Variants in CACNB4 observed in about 807,000 individuals in gnomAD.
CACNB4 encodes calcium voltage-gated channel auxiliary subunit beta 4.
Under a neutral mutation model 71.2 loss-of-function variants are expected in CACNB4, and 32 were observed. The observed-to-expected ratio is 0.45, with a 90% CI of 0.34 to 0.60. CACNB4 has a LOEUF of 0.60. Ranked by LOEUF, CACNB4 falls within the 20% of genes least tolerant of loss-of-function variation. CACNB4 has a pLI of 0.01. For synonymous variants in CACNB4, 231 were observed against 236.9 expected (o/e 0.97, Z 0.23); for missense variants, 464 against 647.9 (o/e 0.72, Z 3.08).
chr2:152,079,466 T>C (rs1472954976), intron 2 of CACNB4, among the ~76,000 whole-genome samples: 1 of 151,982 alleles, frequency 6.6e-6, no homozygotes. Context: ...GACTGATAAA[T>C]CCTGGCTGAA....
intron 2 of CACNB4, among the ~76,000 whole-genome samples, chr2:152,045,324 C>G (rs1438518817): frequency 1.3e-5 from 2 of 152,108 alleles, no homozygotes; most frequent in African/African-American, 4.8e-5. Context: ...ATACATACAA[C>G]AGAATATTAT....
At chr2:151,981,503 G>A (rs1267705715) in intron 2 of CACNB4, among the ~76,000 whole-genome samples, 1 of 152,184 alleles carries the variant, frequency 6.6e-6, no homozygotes, top group Non-Finnish European at 1.5e-5. Flanking sequence ...ACTCCTGTCG[G>A]TGGTAGGGGC....
At chr2:152,014,028 A>G (rs978798591) in intron 2 of CACNB4, among the ~76,000 whole-genome samples, 3 of 152,178 alleles carry the variant, frequency 2.0e-5, no homozygotes, top group African/African-American at 7.2e-5. Flanking sequence ...GGATGTAGTG[A>G]GCAACACTCC....
intron 2 of CACNB4, among the ~76,000 whole-genome samples, chr2:152,007,712 TTCAG>T (rs1184521758): frequency 3.3e-5 from 5 of 152,224 alleles, no homozygotes; most frequent in African/African-American, 1.2e-4. Context: ...AATTCCTGCT[TTCAG>T]TCCTTATGGG....
intron 10 of CACNB4, among the ~76,000 whole-genome samples, chr2:151,856,466 G>A (rs562654454): frequency 2.0e-5 from 3 of 152,062 alleles, no homozygotes; most frequent in African/African-American, 7.2e-5. Context: ...ACCATGCCTG[G>A]CTAACTTTTG....
chr2:152,083,688 G>A (rs1468601242), intron 2 of CACNB4, among the ~76,000 whole-genome samples: 2 of 152,148 alleles, frequency 1.3e-5, no homozygotes, highest in African/African-American at 2.4e-5. Flanking sequence ...CATATTTTGC[G>A]GTAGCCAATT....
intron 2 of CACNB4, among the ~76,000 whole-genome samples, chr2:152,029,101 G>T (rs1378111150): frequency 6.6e-6 from 1 of 152,168 alleles, no homozygotes; most frequent in Non-Finnish European, 1.5e-5. Flanking sequence ...CAATATGATG[G>T]TATTTGAATG....
At chr2:151,990,154 A>G (rs942280298) in intron 2 of CACNB4, among the ~76,000 whole-genome samples, 7 of 152,214 alleles carry the variant, frequency 4.6e-5, no homozygotes, top group Admixed American at 4.6e-4. Context: ...TCTTTAAGAT[A>G]AAATTTGAAT....
At chr2:151,928,323 T>C (rs1041869566) in intron 2 of CACNB4, among the ~76,000 whole-genome samples, 2 of 152,204 alleles carry the variant, frequency 1.3e-5, no homozygotes, top group Admixed American at 6.5e-5. Flanking sequence ...TTGTGTTAAA[T>C]TGTAGATACC....
At chr2:151,941,640 C>T (rs1251697570) in intron 2 of CACNB4, among the ~76,000 whole-genome samples, 1 of 152,088 alleles carries the variant, frequency 6.6e-6, no homozygotes, top group Non-Finnish European at 1.5e-5. Context: ...CATCTCCCCT[C>T]AAGAATCTTA....
At chr2:151,999,314 G>A (rs572325511) in intron 2 of CACNB4, among the ~76,000 whole-genome samples, 12 of 150,842 alleles carry the variant, frequency 8.0e-5, no homozygotes, top group Admixed American at 4.6e-4. Flanking sequence ...GTACCTTCGG[G>A]ACAATCCTCA....
intron 2 of CACNB4, among the ~76,000 whole-genome samples, chr2:152,019,066 C>T (rs571241396): frequency 2.6e-5 from 4 of 152,214 alleles, no homozygotes; most frequent in South Asian, 2.1e-4. Flanking sequence ...TTGTCCTCTG[C>T]TGCTTGGAAA....
intron 2 of CACNB4, among the ~76,000 whole-genome samples, chr2:151,958,376 C>T (rs577398461): frequency 6.6e-6 from 1 of 152,102 alleles, no homozygotes; most frequent in Non-Finnish European, 1.5e-5. Context: ...CTGTCTAGAA[C>T]GAAACTATTT....
chr2:151,999,548 C>T (rs1879140), intron 2 of CACNB4, among the ~76,000 whole-genome samples: 126,797 of 152,078 alleles, frequency 0.83, 54,734 homozygotes, highest in Non-Finnish European at 0.96. Context: ...ATTTACCCAA[C>T]GGAAATTTGC....
chr2:151,895,096 C>CCACACACACA (rs58504924), intron 2 of CACNB4, among the ~76,000 whole-genome samples: 1 of 22,288 alleles, frequency 4.5e-5, no homozygotes, highest in Non-Finnish European at 2.7e-4. Flanking sequence ...TCAAATAGCC[C>CCACACACACA]CACACACACA....
At chr2:152,073,781 C>G (rs1422789807) in intron 2 of CACNB4, among the ~76,000 whole-genome samples, 2 of 152,252 alleles carry the variant, frequency 1.3e-5, no homozygotes, top group Non-Finnish European at 2.9e-5. Context: ...GCTCTCAGAA[C>G]TTGGAGCATT....
rs140481055 is a variant in CACNB4, at chr2:151,833,374, G to A, written c.*5745C>T. 185 of 152,072 alleles carry A rather than the reference G, an allele frequency of 1.2e-3. No homozygotes were observed. Among genetic ancestry groups the A allele is most frequent in the African/African-American group, 4.2e-3 (176 of 41,496 alleles). The allele number at this position is 152,072 out of a possible 1,614,324, so 9.4% of individuals were successfully genotyped here. ...ATCCCTAACTAATATAATTTTTTGTGGTTGGGACATCTTTATTGATCATTC... is the reference window on the plus strand; with the variant it reads ...ATCCCTAACTAATATAATTTTTTGTAGTTGGGACATCTTTATTGATCATTC... On this transcript the variant is annotated 3_prime_UTR_variant, in exon 14 of 14. Coordinates refer to ENST00000539935, the MANE Select transcript of CACNB4 (RefSeq NM_000726.5).
intron 2 of CACNB4, among the ~76,000 whole-genome samples, chr2:151,896,036 G>C (rs2151490320): frequency 6.6e-6 from 1 of 152,124 alleles, no homozygotes; most frequent in Non-Finnish European, 1.5e-5. Flanking sequence ...TGTAGAGACG[G>C]GGTTTCACCA....
At chr2:151,971,380 C>A (rs760104661) in intron 2 of CACNB4, 3 of 629,240 alleles carry the variant, frequency 4.8e-6, no homozygotes, top group Non-Finnish European at 8.5e-6. Context: ...AGGACATATG[C>A]GGATGGTTCC....
Sources: allele counts gnomAD v4.1 joint callset (sites outside exome capture counted in the v4.1 genomes callset), GRCh38; gene constraint gnomAD v4.1.1; transcripts MANE v1.5; gene names NCBI Gene and HGNC (gene_info 2026-07-23, HGNC 2026-07-21).